EPHA3: variants seen among roughly 807,000 people sequenced by gnomAD.
The protein encoded by EPHA3 is ephrin type-A receptor 3.
In EPHA3, 42 loss-of-function variants were observed where a neutral mutation model predicts 107.1. That is an observed-to-expected ratio of 0.39 (90% CI 0.31 to 0.51). The LOEUF (loss-of-function observed/expected upper bound fraction) is 0.51. Among genes scored for constraint, EPHA3 ranks in the 20% least tolerant of loss-of-function variants. The pLI, the probability that EPHA3 is intolerant of heterozygous loss-of-function variation, is 0.78. For missense variants in EPHA3, 1,183 were observed against 1,211.2 expected (o/e 0.98, Z 0.35); for synonymous variants, 461 against 424.8 (o/e 1.09, Z -1.05).
chr3:89,113,770 A>C (rs1229069841), intron 1 of EPHA3, among the ~76,000 whole-genome samples: 1 of 125,618 alleles, frequency 8.0e-6, no homozygotes, highest in Non-Finnish European at 1.7e-5. Context: ...GTTTCTCCTC[A>C]AGTTTACACA....
chr3:89,354,225 A>G lies in EPHA3; in HGVS notation c.1306+12135A>G, dbSNP rs544335392. On this transcript the variant is annotated intron_variant, in intron 5 of 16. Transcript: ENST00000336596. ...ACCTCCCTAAAGTTAACTGAAATATAGTCCTTAGGATATAATAGCATCGTA... is the reference window on the plus strand; with the variant it reads ...ACCTCCCTAAAGTTAACTGAAATATGGTCCTTAGGATATAATAGCATCGTA... Among the ~76,000 whole-genome samples the G allele has an allele frequency of 1.3e-3, 196 of 151,478 alleles. 1 individual carries two copies. The highest frequency in any genetic ancestry group is 4.6e-3 in the African/African-American group (191 of 41,504).
intron 5 of EPHA3, among the ~76,000 whole-genome samples, chr3:89,375,513 T>G (rs1027138327): frequency 3.3e-5 from 5 of 151,610 alleles, no homozygotes; most frequent in African/African-American, 1.2e-4. Context: ...AATACTTGCT[T>G]CAGAGTTATC....
In EPHA3 at chr3:89,413,272, C is replaced by T; in HGVS notation, c.1888+6C>T. The T allele has an allele frequency of 9.9e-6, 16 of 1,611,308 alleles. No homozygotes were observed. Among genetic ancestry groups the T allele is most frequent in the Non-Finnish European group, 1.2e-5 (14 of 1,178,008 alleles). On this transcript the variant is annotated splice_donor_region_variant and intron_variant, in intron 10 of 16. Transcript: ENST00000336596. The stretch of plus-strand genomic sequence containing the variant: ...TGATAAAGTTGTTGGAGCAGGTAAC[C>T]ACAATGACCCTACTGCCAACTTAGT...
At chr3:89,116,324 A>C (rs1306846101) in intron 1 of EPHA3, among the ~76,000 whole-genome samples, 2 of 152,172 alleles carry the variant, frequency 1.3e-5, no homozygotes, top group African/African-American at 4.8e-5. Context: ...AACAATTGGA[A>C]TTATCTTAAA....
chr3:89,283,612 C>A (rs1040415317), intron 3 of EPHA3, among the ~76,000 whole-genome samples: 2 of 152,020 alleles, frequency 1.3e-5, no homozygotes, highest in Admixed American at 6.6e-5. Context: ...AGAGCAGAAG[C>A]AAAGTAACTG....
intron 13 of EPHA3, among the ~76,000 whole-genome samples, chr3:89,446,504 T>A (rs1260520940): frequency 2.0e-5 from 3 of 152,204 alleles, no homozygotes; most frequent in African/African-American, 7.2e-5. Flanking sequence ...ACAACTCTTC[T>A]GTGTTTCTTT....
chr3:89,449,337 A>G lies in EPHA3; in HGVS notation c.2459A>G (p.Tyr820Cys), dbSNP rs1207208621. The G allele has an allele frequency of 3.7e-6, 6 of 1,604,218 alleles. No individual in the cohort carries two copies. The highest frequency in any genetic ancestry group is 1.1e-5 in the South Asian group (1 of 89,594). ...ATTGTTCTCTGGGAGGTGATGTCTT[A>G]TGGAGAGAGACCATACTGGGAGATG... ...YGIVLWEVMS[Y>C]GERPYWEMSN... Residue 820 changes from tyrosine to cysteine, a missense_variant, in exon 14 of 17, where the codon TAT (tyrosine) becomes TGT (cysteine). By Grantham distance (194) the Tyr-to-Cys change is radical. Coordinates refer to ENST00000336596, the MANE Select transcript of EPHA3 (RefSeq NM_005233.6).
rs534870657 is a variant in EPHA3, at chr3:89,185,230, A to G, written c.154-24630A>G. On this transcript the variant is annotated intron_variant, in intron 2 of 16. Transcript: ENST00000336596. ...GTTCTAGCTTTTCTCCTTGTCAAAC[A>G]TTTATTTATTTTCTTTTAAAATATC... is the stretch of plus-strand genomic sequence containing the variant. 2.2e-4 allele frequency among the ~76,000 whole-genome samples: 34 copies of G among 152,086 alleles called. No individual in the cohort carries two copies. The Middle Eastern group carries it at 0.01, about 46-fold the overall frequency.
chr3:89,326,626 G>C (rs1477337998), intron 3 of EPHA3, among the ~76,000 whole-genome samples: 2 of 151,964 alleles, frequency 1.3e-5, no homozygotes, highest in Non-Finnish European at 2.9e-5. Context: ...CAGAGCTCAA[G>C]AGATCCACCT....
At position 89,456,746 on chromosome 3, in the gene EPHA3, A is replaced by C. The variant is rs370875397; in HGVS notation, c.2690+6376A>C. 1.1e-4 allele frequency among the ~76,000 whole-genome samples: 16 copies of C among 152,334 alleles called. 1 individual carries two copies. In the East Asian group the frequency reaches 1.5e-3, roughly 15 times the overall value. ...GGACAGTTACATTAAACTTTGTGTT[A>C]TGCTTGTTCCCTAGTAATTGATTGC... On this transcript the variant is annotated intron_variant, in intron 15 of 16. Transcript: ENST00000336596.
At chr3:89,173,885 A>C (rs9866327) in intron 2 of EPHA3, among the ~76,000 whole-genome samples, 122,017 of 151,852 alleles carry the variant, frequency 0.8, 49,062 homozygotes, top group Admixed American at 0.86. Flanking sequence ...TGTCTCTAAA[A>C]CATGTTCTAT....
chr3:89,245,999 A>G (rs769739856), intron 3 of EPHA3, among the ~76,000 whole-genome samples: 11 of 152,214 alleles, frequency 7.2e-5, no homozygotes, highest in Non-Finnish European at 2.9e-5. Flanking sequence ...GCAAAAAGTC[A>G]TTTACTGAAA....
intron 1 of EPHA3, among the ~76,000 whole-genome samples, chr3:89,108,425 C>T (rs1346313677): frequency 1.3e-5 from 2 of 152,152 alleles, no homozygotes; most frequent in African/African-American, 4.8e-5. Context: ...TAAAGAGCAG[C>T]ATATGCCACA....
At chr3:89,249,377 A>G (rs1273230337) in intron 3 of EPHA3, among the ~76,000 whole-genome samples, 5 of 152,120 alleles carry the variant, frequency 3.3e-5, no homozygotes, top group Non-Finnish European at 5.9e-5. Context: ...TGCTAAATTC[A>G]TGGTTTCTTT....
intron 2 of EPHA3, among the ~76,000 whole-genome samples, chr3:89,180,222 G>A (rs1187898013): frequency 6.6e-6 from 1 of 151,606 alleles, no homozygotes; most frequent in Non-Finnish European, 1.5e-5. Context: ...TTTCTTACCT[G>A]CTATACATCT....
intron 2 of EPHA3, among the ~76,000 whole-genome samples, chr3:89,182,108 C>T (rs1247174950): frequency 6.6e-6 from 1 of 151,188 alleles, no homozygotes; most frequent in East Asian, 1.9e-4. Context: ...CTTTATCCTT[C>T]TCTTCTCTTC....
chr3:89,233,727 T>C (rs1246453654), intron 3 of EPHA3, among the ~76,000 whole-genome samples: 1 of 152,130 alleles, frequency 6.6e-6, no homozygotes, highest in African/African-American at 2.4e-5. Context: ...AAGGCATAAC[T>C]GAGATAAATG....
At chr3:89,114,219 A>T (rs1707194338) in intron 1 of EPHA3, among the ~76,000 whole-genome samples, 1 of 152,158 alleles carries the variant, frequency 6.6e-6, no homozygotes, top group South Asian at 2.1e-4. Flanking sequence ...ACATTTGATA[A>T]TGCAAATTCA....
At chr3:89,427,935 C>T (rs1709491265) in intron 11 of EPHA3, among the ~76,000 whole-genome samples, 1 of 151,718 alleles carries the variant, frequency 6.6e-6, no homozygotes, top group Non-Finnish European at 1.5e-5. Flanking sequence ...GTTAGTTTTA[C>T]ATAATCTTCT....
Sources: gnomAD v4.1 joint callset for allele counts (sites outside exome capture counted in the v4.1 genomes callset) on GRCh38, gnomAD v4.1.1 for gene constraint, MANE v1.5 for transcripts, NCBI Gene and HGNC (gene_info 2026-07-23, HGNC 2026-07-21) for gene names.